RHBDD1: variants seen among roughly 807,000 people sequenced by gnomAD.
RHBDD1 encodes the protein rhomboid domain containing 1, also known as rhomboid-related protein 4.
Under a neutral mutation model 36.3 loss-of-function variants are expected in RHBDD1, and 38 were observed. The observed-to-expected ratio is 1.05, with a 90% CI of 0.81 to 1.37. RHBDD1 has a LOEUF of 1.37. Ranked by LOEUF, RHBDD1 falls within the 40% of genes most tolerant of loss-of-function variation. The pLI, the probability that RHBDD1 is intolerant of heterozygous loss-of-function variation, is 0.00. For synonymous variants in RHBDD1, 151 were observed against 136.5 expected (o/e 1.11, Z -0.74); for missense variants, 393 against 377.6 (o/e 1.04, Z -0.34).
chr2:226,895,142 T>G (rs1946995151), intron 5 of RHBDD1, among the ~76,000 whole-genome samples: 1 of 152,186 alleles, frequency 6.6e-6, no homozygotes, highest in African/African-American at 2.4e-5. Context: ...AAAGGGCTTC[T>G]GGGCTAGGAT....
chr2:226,865,777 TAGGC>T (rs1356794677), intron 4 of RHBDD1, among the ~76,000 whole-genome samples: 2 of 152,190 alleles, frequency 1.3e-5, no homozygotes, highest in African/African-American at 4.8e-5. Flanking sequence ...GGGAGAGGAT[TAGGC>T]TGTTTCAGCC....
the RHBDD1 span, among the ~76,000 whole-genome samples, chr2:226,810,059 G>A: frequency 6.6e-6 from 1 of 152,114 alleles, no homozygotes; most frequent in African/African-American, 2.4e-5. Context: ...GTTGATGCTT[G>A]AACAATGCAG....
intron 8 of RHBDD1, among the ~76,000 whole-genome samples, chr2:226,918,917 T>C (rs1949108391): frequency 6.6e-6 from 1 of 152,096 alleles, no homozygotes; most frequent in Non-Finnish European, 1.5e-5. Flanking sequence ...TTGTACTAAT[T>C]TACATTCACA....
intron 3 of RHBDD1, among the ~76,000 whole-genome samples, chr2:226,850,798 C>T (rs1942733836): frequency 6.6e-6 from 1 of 152,122 alleles, no homozygotes; most frequent in Non-Finnish European, 1.5e-5. Context: ...AAATGGGCAA[C>T]AGTAAATGAA....
chr2:226,846,564 T>G (rs1159735844), intron 3 of RHBDD1, among the ~76,000 whole-genome samples: 1 of 151,934 alleles, frequency 6.6e-6, no homozygotes, highest in Non-Finnish European at 1.5e-5. Context: ...GCCAACATGG[T>G]GAAACCTTGT....
intron 8 of RHBDD1, among the ~76,000 whole-genome samples, chr2:226,963,421 C>T (rs771835257): frequency 7.2e-5 from 11 of 152,072 alleles, no homozygotes; most frequent in African/African-American, 2.7e-4. Context: ...ATCTAAAACC[C>T]CTTTACTTTT....
At chr2:226,866,260 T>C (rs1314454373) in intron 4 of RHBDD1, among the ~76,000 whole-genome samples, 1 of 152,060 alleles carries the variant, frequency 6.6e-6, no homozygotes, top group Non-Finnish European at 1.5e-5. Flanking sequence ...TTAGTACAGA[T>C]GGGGTTTCAC....
At chr2:226,851,089 C>T (rs971523822) in intron 3 of RHBDD1, among the ~76,000 whole-genome samples, 21 of 152,130 alleles carry the variant, frequency 1.4e-4, no homozygotes, top group African/African-American at 4.6e-4. Flanking sequence ...AACTCTGCCT[C>T]ACCTGTGGAA....
chr2:226,875,113 T>C (rs1945116167), intron 5 of RHBDD1, among the ~76,000 whole-genome samples: 1 of 151,148 alleles, frequency 6.6e-6, no homozygotes, highest in African/African-American at 2.4e-5. Flanking sequence ...GGCTATGAGC[T>C]TCTTTAGGGG....
chr2:226,841,174 C>T (rs1240100437), intron 3 of RHBDD1, among the ~76,000 whole-genome samples: 2 of 151,958 alleles, frequency 1.3e-5, no homozygotes, highest in Non-Finnish European at 2.9e-5. Context: ...ACTCTGTTAC[C>T]TAGATTGGAG....
intron 8 of RHBDD1, chr2:226,988,315 C>T: frequency 6.5e-7 from 1 of 1,547,176 alleles, no homozygotes; most frequent in Non-Finnish European, 8.7e-7. Context: ...CACTGTGCCC[C>T]ACCTGAACAT....
intron 5 of RHBDD1, among the ~76,000 whole-genome samples, chr2:226,894,548 G>A (rs1470176351): frequency 6.6e-6 from 1 of 152,130 alleles, no homozygotes; most frequent in Non-Finnish European, 1.5e-5. Context: ...TTGGATTGCA[G>A]GCGTGAGCCA....
Position 226,867,245 on chromosome 2 carries a change from A to G in RHBDD1, c.493A>G (p.Ile165Val), listed in dbSNP as rs149429362. Reference sequence around the variant, plus strand: ...TTATTGCCCTGGAGGCTTTGTCAACATTTTGGGCTTTCCTGTACCGAACAG... The same window carrying G: ...TTATTGCCCTGGAGGCTTTGTCAACGTTTTGGGCTTTCCTGTACCGAACAG... ...NHYCPGGFVN[I>V]LGFPVPNRFA... Residue 165 changes from isoleucine (I) to valine (V), a missense_variant, in exon 5 of 9, where the codon ATT (isoleucine) becomes GTT (valine). Coordinates refer to ENST00000392062, the MANE Select transcript of RHBDD1 (RefSeq NM_001167608.3). 4 of 1,613,664 alleles carry G rather than the reference A, an allele frequency of 2.5e-6. No individual in the cohort carries two copies. The highest frequency in any genetic ancestry group is 3.4e-6 in the Non-Finnish European group (4 of 1,179,792).
At chr2:226,874,500 A>G (rs1309848985) in intron 5 of RHBDD1, among the ~76,000 whole-genome samples, 1 of 152,164 alleles carries the variant, frequency 6.6e-6, no homozygotes, top group Non-Finnish European at 1.5e-5. Context: ...GGGAGAAACT[A>G]TTACCTTACT....
chr2:226,876,018 G>T (rs1344227025), intron 5 of RHBDD1, among the ~76,000 whole-genome samples: 2 of 152,160 alleles, frequency 1.3e-5, no homozygotes, highest in Non-Finnish European at 2.9e-5. Flanking sequence ...TTTAGCACTG[G>T]CATGCAGCAA....
chr2:226,915,642 G>A (rs1245588319), intron 8 of RHBDD1, among the ~76,000 whole-genome samples: 1 of 152,164 alleles, frequency 6.6e-6, no homozygotes, highest in Admixed American at 6.5e-5. Flanking sequence ...AAGGAATATA[G>A]TCTTAGTAGC....
intron 5 of RHBDD1, among the ~76,000 whole-genome samples, chr2:226,904,164 G>A (rs772878197): frequency 2.0e-4 from 30 of 152,204 alleles, no homozygotes; most frequent in Admixed American, 1.0e-3. Context: ...AAGGCAGAGG[G>A]TTCACTGAGC....
intron 5 of RHBDD1, among the ~76,000 whole-genome samples, chr2:226,885,394 A>G (rs950802359): frequency 3.3e-5 from 5 of 152,188 alleles, no homozygotes; most frequent in East Asian, 1.9e-4. Flanking sequence ...GTAATGATGT[A>G]TCAGAAAATG....
intron 8 of RHBDD1, among the ~76,000 whole-genome samples, chr2:226,965,102 G>A (rs1208012549): frequency 6.6e-6 from 1 of 152,082 alleles, no homozygotes; most frequent in Non-Finnish European, 1.5e-5. Context: ...AGGTAATTAA[G>A]GTAAGGATCT....
Sources: allele counts gnomAD v4.1 joint callset (sites outside exome capture counted in the v4.1 genomes callset), GRCh38; gene constraint gnomAD v4.1.1; transcripts MANE v1.5; gene names NCBI Gene and HGNC (gene_info 2026-07-23, HGNC 2026-07-21).